Variants in TNS3 observed in about 807,000 individuals in gnomAD.
The protein encoded by TNS3 is tensin-3.
In TNS3, 45 loss-of-function variants were observed where a neutral mutation model predicts 140.9. The ratio of observed to expected loss-of-function variants is 0.32; its 90% CI spans 0.25 to 0.41. The LOEUF is 0.41. TNS3 is among the 10% of genes least tolerant of loss of function. TNS3 has a pLI of 1.00. For missense variants in TNS3, 1,716 were observed against 1,906.7 expected (o/e 0.90, Z 1.86); for synonymous variants, 815 against 788.4 (o/e 1.03, Z -0.56).
At chr7:47,582,559 C>G (rs1279749773), upstream of TNS3, 13 of 451,050 alleles carry the variant, frequency 2.9e-5, no homozygotes, top group South Asian at 6.3e-5. Context: ...GGGAGTCGCG[C>G]ATACATAAAG....
intron 4 of TNS3, among the ~76,000 whole-genome samples, chr7:47,447,445 C>G (rs1005442303): frequency 6.6e-6 from 1 of 152,130 alleles, no homozygotes; most frequent in Admixed American, 6.5e-5. Flanking sequence ...CCACATCAGG[C>G]AGTCTGGGTC....
chr7:47,406,310 C>G (rs1161755058), intron 13 of TNS3, among the ~76,000 whole-genome samples: 2 of 152,208 alleles, frequency 1.3e-5, no homozygotes, highest in African/African-American at 2.4e-5. Flanking sequence ...TTGCTGTTGC[C>G]TGCAGCAGCT....
intron 27 of TNS3, among the ~76,000 whole-genome samples, chr7:47,288,118 T>C (rs929576289): frequency 3.9e-5 from 6 of 152,178 alleles, no homozygotes; most frequent in Admixed American, 3.9e-4. Flanking sequence ...AAAGTGAAAT[T>C]GCGTGTGCCC....
chr7:47,323,108 C>T (rs1040023785), intron 20 of TNS3, among the ~76,000 whole-genome samples: 1 of 152,198 alleles, frequency 6.6e-6, no homozygotes, highest in African/African-American at 2.4e-5. Flanking sequence ...CTCCTCGAGG[C>T]CTCATGTGCC....
At chr7:47,484,241 C>T (rs1449327383) in intron 3 of TNS3, among the ~76,000 whole-genome samples, 1 of 152,072 alleles carries the variant, frequency 6.6e-6, no homozygotes. Flanking sequence ...GGAGCACCAA[C>T]CAGAGAAAAA....
At chr7:47,308,845 G>T (rs1341203637) in intron 20 of TNS3, among the ~76,000 whole-genome samples, 4 of 152,090 alleles carry the variant, frequency 2.6e-5, no homozygotes. Context: ...TTTTCATTTG[G>T]TTCTTTCCCT....
At chr7:47,415,288 C>T in intron 10 of TNS3, 82 bp from the exon 11 acceptor site, 1 of 913,520 alleles carries the variant, frequency 1.1e-6, no homozygotes, top group Non-Finnish European at 1.7e-6. Flanking sequence ...GAAACACATC[C>T]TGGCTGAGTC....
At chr7:47,536,371 G>C (rs933461389) in intron 1 of TNS3, among the ~76,000 whole-genome samples, 3 of 144,184 alleles carry the variant, frequency 2.1e-5, no homozygotes, top group African/African-American at 7.6e-5. Flanking sequence ...ACCTAGCGGG[G>C]AGCCAACCAG....
At chr7:47,303,759 G>A (rs1786569791) in intron 21 of TNS3, among the ~76,000 whole-genome samples, 175 bp from the exon 22 acceptor site, 2 of 152,196 alleles carry the variant, frequency 1.3e-5, no homozygotes, top group Non-Finnish European at 2.9e-5. Flanking sequence ...CTGAGCTCAC[G>A]CTGCCTGCCT....
intron 13 of TNS3, among the ~76,000 whole-genome samples, chr7:47,408,789 G>A (rs1793590612): frequency 6.6e-6 from 1 of 152,110 alleles, no homozygotes; most frequent in African/African-American, 2.4e-5. Flanking sequence ...GCCTTTGTGG[G>A]TGCCTCAAGC....
chr7:47,343,416 A>G (rs1472650357), intron 20 of TNS3, among the ~76,000 whole-genome samples: 4 of 152,144 alleles, frequency 2.6e-5, no homozygotes, highest in Non-Finnish European at 5.9e-5. Flanking sequence ...TTATTTCCTC[A>G]GGCTTATTAC....
intron 16 of TNS3, among the ~76,000 whole-genome samples, chr7:47,387,710 A>G (rs928443645): frequency 1.3e-5 from 2 of 152,232 alleles, no homozygotes; most frequent in Non-Finnish European, 1.5e-5. Flanking sequence ...TCTTGCATGC[A>G]TAATCTAAAA....
At chr7:47,459,360 T>C (rs928642725) in intron 4 of TNS3, among the ~76,000 whole-genome samples, 1 of 152,186 alleles carries the variant, frequency 6.6e-6, no homozygotes, top group Non-Finnish European at 1.5e-5. Flanking sequence ...ACCCATTCCA[T>C]CTTTTTCTAT....
intron 26 of TNS3, 72 bp from the exon 27 acceptor site, chr7:47,292,104 C>A: frequency 1.4e-6 from 2 of 1,458,232 alleles, no homozygotes; most frequent in Non-Finnish European, 1.9e-6. Context: ...CAAAGTTAGA[C>A]AATTTGATGA....
At chr7:47,313,942 G>A (rs1019330771) in intron 20 of TNS3, among the ~76,000 whole-genome samples, 1 of 152,174 alleles carries the variant, frequency 6.6e-6, no homozygotes, top group East Asian at 1.9e-4. Context: ...CGGGTGACAG[G>A]ACTTAACCCT....
chr7:47,385,495 A>G (rs1792023787), intron 16 of TNS3, among the ~76,000 whole-genome samples: 1 of 152,116 alleles, frequency 6.6e-6, no homozygotes, highest in African/African-American at 2.4e-5. Context: ...ATGCTCAGAG[A>G]GGCAGGGAGG....
At chr7:47,470,610 A>AT (rs2151737617) in intron 4 of TNS3, 1 of 985,352 alleles carries the variant, frequency 1.0e-6, no homozygotes, top group South Asian at 4.7e-5. Context: ...TTAGGAAGAG[A>AT]TCCCCAGCGC....
chr7:47,500,411 C>T (rs567486543), intron 3 of TNS3, among the ~76,000 whole-genome samples: 2 of 152,322 alleles, frequency 1.3e-5, no homozygotes, highest in African/African-American at 4.8e-5. Flanking sequence ...GCAGGACCAT[C>T]GCAGGCTTTA....
At chr7:47,408,731 C>G (rs1019719008) in intron 13 of TNS3, among the ~76,000 whole-genome samples, 2 of 152,186 alleles carry the variant, frequency 1.3e-5, no homozygotes, top group Non-Finnish European at 2.9e-5. Flanking sequence ...TTCAACCTTC[C>G]AAGACAACGA....
Sources: allele counts gnomAD v4.1 joint callset (sites outside exome capture counted in the v4.1 genomes callset), GRCh38; gene constraint gnomAD v4.1.1; transcripts MANE v1.5; gene names NCBI Gene and HGNC (gene_info 2026-07-23, HGNC 2026-07-21).